Variants in ZNF519 observed in about 807,000 individuals in gnomAD.
ZNF519 encodes the protein similar to Zinc finger protein 85 (Zinc finger protein HPF4) (HTF1).
Under a neutral mutation model 7.4 loss-of-function variants are expected in ZNF519, and 7 were observed. The observed-to-expected ratio is 0.94, with a 90% CI of 0.54 to 1.77. ZNF519 has a LOEUF of 1.77. Ranked by LOEUF, ZNF519 falls within the 40% of genes most tolerant of loss-of-function variation. The probability of loss-of-function intolerance (pLI) is 0.00; values close to 1 mark genes in which losing one functional copy is unlikely to be tolerated. For missense variants in ZNF519, 586 were observed against 623.1 expected, an observed-to-expected ratio of 0.94 and a Z score of 0.63; for synonymous variants, 179 against 203.3, an observed-to-expected ratio of 0.88 and a Z score of 1.02.
At chr18:14,125,530 A>T (rs2046294765) in intron 1 of ZNF519, among the ~76,000 whole-genome samples, 1 of 152,150 alleles carries the variant, frequency 6.6e-6, no homozygotes, top group African/African-American at 2.4e-5. Context: ...AAATGTATAG[A>T]ATAATAGCTC....
intron 1 of ZNF519, among the ~76,000 whole-genome samples, chr18:14,127,685 T>C (rs1391540461): frequency 6.6e-6 from 1 of 152,108 alleles, no homozygotes; most frequent in Non-Finnish European, 1.5e-5. Flanking sequence ...CCCCATGATC[T>C]CTGAATCAGT....
intron 1 of ZNF519, among the ~76,000 whole-genome samples, chr18:14,126,527 G>A (rs1243984659): frequency 6.6e-6 from 1 of 152,168 alleles, no homozygotes; most frequent in Non-Finnish European, 1.5e-5. Context: ...TACACCTTCC[G>A]TCTTTGTGCT....
chr18:14,105,801 A>G lies in ZNF519; in HGVS notation c.739T>C (p.Phe247Leu). The G allele has an allele frequency of 6.2e-7, 1 of 1,606,924 alleles. No homozygotes were observed. The highest frequency in any genetic ancestry group is 8.5e-7 in the Non-Finnish European group (1 of 1,178,220). Reference protein sequence around the residue: ...QRCNKKCIIVFSQSHLKGHKI... With the variant: ...QRCNKKCIIVLSQSHLKGHKI... Reference sequence around the variant, plus strand: ...TGTCCCTTTAGATGTGATTGACTAAAGACTATTATACATTTTTTATTACAT... The same window carrying G: ...TGTCCCTTTAGATGTGATTGACTAAGGACTATTATACATTTTTTATTACAT... Residue 247 changes from phenylalanine to leucine, a missense_variant, in exon 3 of 3, where the codon TTT becomes CTT. Phe to Leu is a conservative substitution (Grantham distance 22, BLOSUM62 0). Transcript: ENST00000590202.
chr18:14,078,230 C>T (rs1446426761), exon 4 of ZNF519: 2 of 152,192 alleles, frequency 1.3e-5, no homozygotes, highest in African/African-American at 2.4e-5. Context: ...TCCTAACAGG[C>T]CATGGACAGG....
At chr18:14,099,912 T>C (rs538989626), downstream of ZNF519, 2 of 152,148 alleles carry the variant, frequency 1.3e-5, no homozygotes, top group African/African-American at 4.8e-5. Flanking sequence ...AGGCAAGCAA[T>C]AGATGGAAGA....
At chr18:14,083,760 A>C (rs1425640288) in intron 3 of ZNF519, among the ~76,000 whole-genome samples, 1 of 152,190 alleles carries the variant, frequency 6.6e-6, no homozygotes, top group Non-Finnish European at 1.5e-5. Flanking sequence ...CAGTTGGTTG[A>C]GCTTCAAATT....
downstream of ZNF519, chr18:14,072,279 A>C (rs2143063593): frequency 6.6e-6 from 1 of 152,322 alleles, no homozygotes; most frequent in Non-Finnish European, 1.5e-5. Context: ...TTTAAGTTAC[A>C]GTAGCAAGAT....
At position 14,105,669 on chromosome 18, in the gene ZNF519, G is replaced by T. The variant is rs751331291; in HGVS notation, c.871C>A (p.Pro291Thr). The T allele has an allele frequency of 5.0e-6, 8 of 1,613,446 alleles. No homozygotes were observed. Among genetic ancestry groups the T allele is most frequent in the Non-Finnish European group, 6.8e-6 (8 of 1,179,916 alleles). ...GHQKIHTGEK[P>T]YKCKKCDKAF... is the part of the protein sequence containing the mutation. Reference sequence around the variant, plus strand: ...TTGTCACATTTTTTACATTTGTAAGGTTTCTCTCCAGTATGAATTTTCTGA... The same window carrying T: ...TTGTCACATTTTTTACATTTGTAAGTTTTCTCTCCAGTATGAATTTTCTGA... The change falls in exon 3 of 3, where the codon CCT (proline) becomes ACT (threonine). Residue 291 changes from proline to threonine, a missense_variant. Pro to Thr is a conservative substitution (Grantham distance 38). Transcript: ENST00000590202.
At chr18:14,128,310 A>AAACAAACAAAC (rs569951991) in intron 1 of ZNF519, among the ~76,000 whole-genome samples, 9 of 151,884 alleles carry the variant, frequency 5.9e-5, no homozygotes, top group African/African-American at 2.2e-4. Context: ...ACAAACAAAC[A>AAACAAACAAAC]AACTCTCCAC....
downstream of ZNF519, among the ~76,000 whole-genome samples, chr18:14,098,335 T>C (rs1223012359): frequency 6.6e-6 from 1 of 152,086 alleles, no homozygotes; most frequent in East Asian, 1.9e-4. Context: ...AATTTTTGTA[T>C]TTTTAGTAGA....
intron 1 of ZNF519, among the ~76,000 whole-genome samples, chr18:14,129,367 T>C (rs974383174): frequency 2.0e-5 from 3 of 151,994 alleles, no homozygotes; most frequent in Non-Finnish European, 4.4e-5. Context: ...CAGATCAATT[T>C]TTAGTGGGTA....
Position 14,101,077 on chromosome 18 carries a change from T to C in ZNF519, c.*3840A>G, listed in dbSNP as rs2046157878. 6.6e-6 allele frequency: 1 copy of C among 152,376 alleles called. No individual in the cohort carries two copies. The highest frequency in any genetic ancestry group is 2.4e-5 in the African/African-American group (1 of 41,404). The allele number at this position is 152,376 out of a possible 1,614,324, so 9.4% of individuals were successfully genotyped here. On this transcript the variant is annotated 3_prime_UTR_variant, in exon 3 of 3. Coordinates refer to ENST00000590202, the MANE Select transcript of ZNF519 (RefSeq NM_145287.4). ...GAAGCCCACAAATGTGAAGGGACTT[T>C]CCCAAGACACAGATAATAGGTGGCT... is the stretch of plus-strand genomic sequence containing the variant.
intron 1 of ZNF519, among the ~76,000 whole-genome samples, chr18:14,127,524 A>G (rs1484284366): frequency 1.3e-5 from 2 of 152,208 alleles, no homozygotes; most frequent in African/African-American, 2.4e-5. Flanking sequence ...ATCCCAGGAC[A>G]TAAATTCAAA....
chr18:14,128,525 T>C (rs1419458208), intron 1 of ZNF519, among the ~76,000 whole-genome samples: 1 of 152,072 alleles, frequency 6.6e-6, no homozygotes, highest in Non-Finnish European at 1.5e-5. Flanking sequence ...AAAATAAACT[T>C]CCCTCATCTT....
At chr18:14,099,507 T>A (rs561788762), downstream of ZNF519, among the ~76,000 whole-genome samples, 1 of 152,272 alleles carries the variant, frequency 6.6e-6, no homozygotes, top group East Asian at 1.9e-4. Flanking sequence ...AATATTAACA[T>A]TCAAATTAAT....
chr18:14,129,351 T>C (rs1273253275), intron 1 of ZNF519, among the ~76,000 whole-genome samples: 2 of 151,660 alleles, frequency 1.3e-5, no homozygotes, highest in South Asian at 4.2e-4. Context: ...GTGGGAGGAG[T>C]GTAGCCAGAT....
intron 2 of ZNF519, among the ~76,000 whole-genome samples, chr18:14,108,662 T>C (rs1254775648): frequency 6.6e-6 from 1 of 150,822 alleles, no homozygotes; most frequent in East Asian, 1.9e-4. Context: ...ACACTTCACC[T>C]ATAAACACAT....
At chr18:14,099,012 T>C (rs541033295), downstream of ZNF519, among the ~76,000 whole-genome samples, 31 of 152,290 alleles carry the variant, frequency 2.0e-4, no homozygotes, top group South Asian at 5.6e-3. Flanking sequence ...AATCTGGAGC[T>C]AACTCCTAAA....
intron 2 of ZNF519, among the ~76,000 whole-genome samples, chr18:14,091,195 A>AT (rs529215760): frequency 7.8e-4 from 118 of 152,154 alleles, no homozygotes; most frequent in African/African-American, 2.7e-3. Context: ...TAATGGATAA[A>AT]TTTTTTTTAT....
Sources: gnomAD v4.1 joint callset for allele counts (sites outside exome capture counted in the v4.1 genomes callset) on GRCh38, gnomAD v4.1.1 for gene constraint, MANE v1.5 for transcripts, NCBI Gene and HGNC (gene_info 2026-07-23, HGNC 2026-07-21) for gene names.